Variants in ARHGAP42 observed in about 807,000 individuals in gnomAD.
The protein encoded by ARHGAP42 is rho GTPase-activating protein 42.
Under a neutral mutation model 125.0 loss-of-function variants are expected in ARHGAP42, and 63 were observed. The ratio of observed to expected loss-of-function variants is 0.50; its 90% confidence interval spans 0.41 to 0.62. The LOEUF (loss-of-function observed/expected upper bound fraction) is 0.62, where lower values mean the gene tolerates loss of function less well. Among genes scored for constraint, ARHGAP42 ranks in the 20% least tolerant of loss-of-function variants. ARHGAP42 has a pLI of 0.00. For missense variants in ARHGAP42, 766 were observed against 1,024.2 expected (o/e 0.75, Z 3.44); for synonymous variants, 339 against 351.0 (o/e 0.97, Z 0.38).
chr11:100,801,242 T>G (rs1187291542), intron 3 of ARHGAP42, among the ~76,000 whole-genome samples: 1 of 152,160 alleles, frequency 6.6e-6, no homozygotes, highest in East Asian at 1.9e-4. Flanking sequence ...AATTAGTGCT[T>G]TATTTGGGGA....
At chr11:100,970,724 C>A (rs960817165) in intron 17 of ARHGAP42, among the ~76,000 whole-genome samples, 2 of 152,108 alleles carry the variant, frequency 1.3e-5, no homozygotes, top group Admixed American at 6.5e-5. Flanking sequence ...TGGGTAAAAT[C>A]TTTGACCCAT....
chr11:100,715,767 T>C (rs1021149882), intron 1 of ARHGAP42, among the ~76,000 whole-genome samples: 6 of 152,204 alleles, frequency 3.9e-5, no homozygotes, highest in Admixed American at 6.5e-5. Context: ...CTCTCAGGGA[T>C]TGATACTGGT....
At chr11:100,724,185 G>C (rs1054985681) in intron 1 of ARHGAP42, among the ~76,000 whole-genome samples, 1 of 151,994 alleles carries the variant, frequency 6.6e-6, no homozygotes, top group Non-Finnish European at 1.5e-5. Context: ...ACTTGGTGGG[G>C]GGTAATTTTT....
intron 2 of ARHGAP42, among the ~76,000 whole-genome samples, chr11:100,771,637 C>T (rs955111331): frequency 1.3e-5 from 2 of 151,494 alleles, no homozygotes; most frequent in East Asian, 1.9e-4. Flanking sequence ...CTTGCTCTGT[C>T]GCCCAGGCTG....
At chr11:100,932,181 A>C (rs1321206781) in intron 6 of ARHGAP42, among the ~76,000 whole-genome samples, 1 of 152,204 alleles carries the variant, frequency 6.6e-6, no homozygotes, top group Non-Finnish European at 1.5e-5. Flanking sequence ...GTTGATGCTT[A>C]GCTGAATCCT....
chr11:100,790,372 C>A (rs145580012), intron 2 of ARHGAP42, among the ~76,000 whole-genome samples: 110 of 151,844 alleles, frequency 7.2e-4, no homozygotes, highest in African/African-American at 2.4e-3. Context: ...AGTGTTTTTC[C>A]AATATTATGT....
At chr11:100,972,195 G>T (rs1455376483) in intron 17 of ARHGAP42, among the ~76,000 whole-genome samples, 2 of 152,152 alleles carry the variant, frequency 1.3e-5, no homozygotes, top group Admixed American at 6.5e-5. Context: ...AATGCAGTTT[G>T]TGACGCATGG....
At chr11:100,941,328 G>A (rs1475589910) in intron 8 of ARHGAP42, among the ~76,000 whole-genome samples, 1 of 152,112 alleles carries the variant, frequency 6.6e-6, no homozygotes. Flanking sequence ...TTTATCGGGG[G>A]TAAGATGGGA....
chr11:100,706,485 A>C (rs1444779943), intron 1 of ARHGAP42, among the ~76,000 whole-genome samples: 1 of 152,212 alleles, frequency 6.6e-6, no homozygotes, highest in Non-Finnish European at 1.5e-5. Flanking sequence ...CTCTTTTAGA[A>C]TGTTATGTAG....
At chr11:100,979,737 G>A (rs1316228296) in intron 22 of ARHGAP42, among the ~76,000 whole-genome samples, 1 of 151,684 alleles carries the variant, frequency 6.6e-6, no homozygotes, top group Non-Finnish European at 1.5e-5. Context: ...AGTACAGGTA[G>A]GAGACACTCA....
intron 3 of ARHGAP42, among the ~76,000 whole-genome samples, chr11:100,830,461 G>T (rs1172767352): frequency 6.6e-6 from 1 of 152,168 alleles, no homozygotes; most frequent in Non-Finnish European, 1.5e-5. Flanking sequence ...TTGCTTCTGA[G>T]TGTAGACTGT....
chr11:100,756,612 T>G (rs1349229117), intron 1 of ARHGAP42, among the ~76,000 whole-genome samples: 6 of 152,210 alleles, frequency 3.9e-5, no homozygotes, highest in African/African-American at 1.4e-4. Context: ...TACATGCTGA[T>G]TAAAGCCTGG....
intron 3 of ARHGAP42, among the ~76,000 whole-genome samples, chr11:100,847,854 G>C (rs1379744611): frequency 6.6e-6 from 1 of 152,112 alleles, no homozygotes; most frequent in Non-Finnish European, 1.5e-5. Context: ...TAGATAAGAA[G>C]CTTGGCAGAA....
Position 100,992,413 on chromosome 11 carries a change from T to C in ARHGAP42, c.*3612T>C, listed in dbSNP as rs765628634. The C allele has an allele frequency of 6.8e-6, 11 of 1,614,010 alleles. No individual in the cohort carries two copies. The highest frequency in any genetic ancestry group is 1.3e-5 in the African/African-American group (1 of 74,932). On this transcript the variant is annotated 3_prime_UTR_variant, in exon 24 of 24. Transcript: ENST00000298815. The stretch of plus-strand genomic sequence containing the variant: ...GTCCAGAAGTTACTTTCCCCTTGAC[T>C]AAAGGTTTCCCCTTAGGGTACACAT...
intron 4 of ARHGAP42, among the ~76,000 whole-genome samples, chr11:100,895,629 G>A (rs1211692419): frequency 1.3e-5 from 2 of 151,812 alleles, no homozygotes; most frequent in Non-Finnish European, 2.9e-5. Context: ...TGAAGGAGAA[G>A]GAGTGCCAGG....
chr11:100,807,652 A>G (rs1591197357), intron 3 of ARHGAP42, among the ~76,000 whole-genome samples: 1 of 152,132 alleles, frequency 6.6e-6, no homozygotes, highest in Non-Finnish European at 1.5e-5. Flanking sequence ...GTTCTGTTCT[A>G]TCCCATGTCT....
intron 1 of ARHGAP42, among the ~76,000 whole-genome samples, chr11:100,747,689 C>T (rs1370331211): frequency 6.6e-6 from 1 of 152,180 alleles, no homozygotes; most frequent in Non-Finnish European, 1.5e-5. Context: ...TCTTTTTCCT[C>T]CTTATAATCC....
chr11:100,934,130 AAT>A (rs1807320747), intron 7 of ARHGAP42, among the ~76,000 whole-genome samples: 1 of 152,164 alleles, frequency 6.6e-6, no homozygotes, highest in African/African-American at 2.4e-5. Context: ...TTATTTGTGA[AAT>A]GAAGGATTGT....
At chr11:100,980,556 C>CTTTTTTTTTTTTTTTTTTTTTTTTTTTTT (rs1565305665) in intron 22 of ARHGAP42, among the ~76,000 whole-genome samples, 1 of 23,544 alleles carries the variant, frequency 4.2e-5, no homozygotes, top group Non-Finnish European at 7.4e-5. Context: ...TCTTTTTCTT[C>CTTTTTTTTTTTTTTTTTTTTTTTTTTTTT]TTCTTTTTTT....
Sources: gnomAD v4.1 joint callset for allele counts (sites outside exome capture counted in the v4.1 genomes callset) on GRCh38, gnomAD v4.1.1 for gene constraint, MANE v1.5 for transcripts, NCBI Gene and HGNC (gene_info 2026-07-23, HGNC 2026-07-21) for gene names.